RIDA: variants seen among roughly 807,000 people sequenced by gnomAD.
RIDA encodes the protein reactive intermediate imine deaminase A.
Under a neutral mutation model 17.8 loss-of-function variants are expected in RIDA, and 17 were observed. The ratio of observed to expected loss-of-function variants is 0.96; its 90% confidence interval spans 0.65 to 1.43. RIDA has a LOEUF of 1.43. Ranked by LOEUF, RIDA falls within the 40% of genes most tolerant of loss-of-function variation. RIDA has a pLI of 0.00. For synonymous variants in RIDA, 48 were observed against 55.7 expected (o/e 0.86, Z 0.62); for missense variants, 158 against 161.7 (o/e 0.98, Z 0.12).
intron 1 of RIDA, among the ~76,000 whole-genome samples, chr8:98,110,425 A>G (rs1285695932): frequency 6.6e-6 from 1 of 152,022 alleles, no homozygotes; most frequent in African/African-American, 2.4e-5. Flanking sequence ...ACGCCCAGCT[A>G]ATTTTTGCAT....
At chr8:98,106,125 A>G in intron 3 of RIDA, 119 bp from the exon 4 acceptor site, 3 of 1,064,530 alleles carry the variant, frequency 2.8e-6, no homozygotes, top group South Asian at 1.3e-5. Flanking sequence ...AAATGGGACC[A>G]AAGAAGTGAA....
At chr8:98,108,616 A>G in intron 2 of RIDA, 30 bp downstream of exon 2, 1 of 1,380,032 alleles carries the variant, frequency 7.2e-7, no homozygotes, top group Non-Finnish European at 1.0e-6. Context: ...GTAGTAGAAA[A>G]GGGAACCTTA....
At chr8:98,105,263 C>T (rs1815617827) in intron 4 of RIDA, among the ~76,000 whole-genome samples, 2 of 151,954 alleles carry the variant, frequency 1.3e-5, no homozygotes, top group African/African-American at 4.8e-5. Flanking sequence ...GAAATTTTGG[C>T]AAGTACTTCC....
At chr8:98,112,195 A>AACACACACACACACACACACACACAC (rs56178607) in intron 1 of RIDA, among the ~76,000 whole-genome samples, 80 of 148,064 alleles carry the variant, frequency 5.4e-4, no homozygotes, top group African/African-American at 1.9e-3. Context: ...AACTATACTA[A>AACACACACACACACACACACACACAC]ACACACACAC....
At chr8:98,109,774 ATTAT>A (rs946561976) in intron 1 of RIDA, among the ~76,000 whole-genome samples, 4 of 151,858 alleles carry the variant, frequency 2.6e-5, no homozygotes, top group African/African-American at 7.3e-5. Flanking sequence ...TTTTTATTTT[ATTAT>A]TTACTTATTT....
chr8:98,103,367 T>C (rs760003510), intron 5 of RIDA, among the ~76,000 whole-genome samples: 1 of 152,196 alleles, frequency 6.6e-6, no homozygotes. Flanking sequence ...TTTTCTTTAG[T>C]AGAAACTGCA....
rs751436088 is a variant in RIDA at position 98,108,682 on chromosome 8, C to G, written c.135G>C (p.Gln45His). 3 of 1,613,602 alleles carry G rather than the reference C, an allele frequency of 1.9e-6. No individual in the cohort carries two copies. The East Asian group carries it at 6.7e-5, about 36-fold the overall frequency. The change falls in exon 2 of 6, where the codon CAG (glutamine) becomes CAC (histidine). Residue 45 changes from glutamine to histidine, a missense_variant. By Grantham distance (24) the Gln-to-His change is conservative. Coordinates refer to ENST00000254878, the MANE Select transcript of RIDA (RefSeq NM_005836.3). ...GQIGMDPSSG[Q>H]LVSGGVAEEA... is the part of the protein sequence containing the mutation. ...CTTCTGCTACCCCTCCTGACACAAG[C>G]TGTCCACTTGAAGGGTCCATGCCTA...
At chr8:98,111,478 C>T (rs1158295353) in intron 1 of RIDA, among the ~76,000 whole-genome samples, 1 of 151,788 alleles carries the variant, frequency 6.6e-6, no homozygotes, top group Non-Finnish European at 1.5e-5. Context: ...TGGTGGTGCA[C>T]ACCTGTAATT....
At chr8:98,107,019 T>C (rs1815642943) in intron 2 of RIDA, among the ~76,000 whole-genome samples, 1 of 152,228 alleles carries the variant, frequency 6.6e-6, no homozygotes, top group Non-Finnish European at 1.5e-5. Flanking sequence ...CCTAATTTAT[T>C]GTATATCCTT....
At chr8:98,108,142 T>C (rs1026875542) in intron 2 of RIDA, among the ~76,000 whole-genome samples, 1 of 152,160 alleles carries the variant, frequency 6.6e-6, no homozygotes, top group African/African-American at 2.4e-5. Flanking sequence ...CTTGAACTCC[T>C]GACCTCAAGT....
At chr8:98,104,565 T>C in intron 4 of RIDA, 21 bp from the exon 5 acceptor site, 2 of 1,409,628 alleles carry the variant, frequency 1.4e-6, no homozygotes, top group Non-Finnish European at 2.0e-6. Context: ...AAGAATTTCA[T>C]TTTTTTAATA....
intron 1 of RIDA, among the ~76,000 whole-genome samples, chr8:98,115,388 C>CAA (rs766262204): frequency 4.6e-4 from 19 of 41,148 alleles, no homozygotes; most frequent in Non-Finnish European, 6.7e-4. Context: ...ACTCTGCCTC[C>CAA]AAAAAAAAAA....
intron 1 of RIDA, among the ~76,000 whole-genome samples, chr8:98,112,330 G>GTTA: frequency 1.3e-5 from 2 of 152,066 alleles, no homozygotes; most frequent in Middle Eastern, 6.8e-3. Context: ...AACTCATCCT[G>GTTA]TTATTATCCT....
intron 3 of RIDA, 72 bp downstream of exon 3, chr8:98,106,200 G>C: frequency 7.2e-7 from 1 of 1,385,476 alleles, no homozygotes; most frequent in Non-Finnish European, 1.0e-6. Context: ...GCATCTTACT[G>C]GATGCCATAT....
At chr8:98,105,788 T>C in intron 4 of RIDA, 150 bp downstream of exon 4, 1 of 564,760 alleles carries the variant, frequency 1.8e-6, no homozygotes, top group Non-Finnish European at 3.2e-6. Flanking sequence ...GTATACAACA[T>C]ATTTCCAATC....
intron 5 of RIDA, among the ~76,000 whole-genome samples, chr8:98,103,628 A>T (rs1586213448): frequency 6.6e-6 from 1 of 150,952 alleles, no homozygotes; most frequent in East Asian, 1.9e-4. Flanking sequence ...CTGCTATTTT[A>T]TTTTTTCTCA....
chr8:98,112,633 G>A (rs1263077105), intron 1 of RIDA, among the ~76,000 whole-genome samples: 1 of 152,048 alleles, frequency 6.6e-6, no homozygotes, highest in East Asian at 1.9e-4. Flanking sequence ...CAACTATCTG[G>A]CTTTCATACT....
intron 5 of RIDA, among the ~76,000 whole-genome samples, chr8:98,103,722 T>C (rs1299954539): frequency 6.6e-6 from 1 of 151,968 alleles, no homozygotes; most frequent in Non-Finnish European, 1.5e-5. Context: ...CTGCAAGCTC[T>C]GCCTCCTGGG....
At chr8:98,113,572 A>G (rs1446569132) in intron 1 of RIDA, 2 of 151,992 alleles carry the variant, frequency 1.3e-5, no homozygotes, top group Non-Finnish European at 2.9e-5. Context: ...TCATACTGGC[A>G]CATTCATATG....
Sources: gnomAD v4.1 joint callset for allele counts (sites outside exome capture counted in the v4.1 genomes callset) on GRCh38, gnomAD v4.1.1 for gene constraint, MANE v1.5 for transcripts, NCBI Gene and HGNC (gene_info 2026-07-23, HGNC 2026-07-21) for gene names.